Variants in ZNF718 observed in about 807,000 individuals in gnomAD.
ZNF718 encodes zinc finger protein 718.
Under a neutral mutation model 2.6 loss-of-function variants are expected in ZNF718, and 3 were observed. The ratio of observed to expected loss-of-function variants is 1.16; its 90% CI spans 0.53 to 3.01. The LOEUF (loss-of-function observed/expected upper bound fraction) is 3.01, where lower values mean the gene tolerates loss of function less well. Among genes scored for constraint, ZNF718 ranks in the 30% most tolerant of loss-of-function variants. The probability of loss-of-function intolerance (pLI) is 0.03; values close to 1 mark genes in which losing one functional copy is unlikely to be tolerated. For synonymous variants in ZNF718, 135 were observed against 77.9 expected (o/e 1.73, Z -3.86); for missense variants, 468 against 230.0 (o/e 2.03, Z -6.69).
At chr4:135,101 G>C (rs1412285508) in intron 3 of ZNF718, among the ~76,000 whole-genome samples, 1 of 152,024 alleles carries the variant, frequency 6.6e-6, no homozygotes, top group Non-Finnish European at 1.5e-5. Context: ...AATTAGCTGG[G>C]CGTGGTGGCA....
intron 2 of ZNF718, 24 bp from the exon 3 acceptor site, chr4:131,386 T>G: frequency 2.6e-6 from 1 of 380,450 alleles, no homozygotes; most frequent in Non-Finnish European, 4.3e-6. Flanking sequence ...AATAGTCATG[T>G]TAATTTTTTT....
intron 3 of ZNF718, chr4:136,355 T>TGTAG (rs1553809325): frequency 3.8e-6 from 2 of 520,074 alleles, no homozygotes; most frequent in Non-Finnish European, 7.7e-6. Flanking sequence ...GGCCGAGATC[T>TGTAG]GTAGGCCTGC....
intron 3 of ZNF718, among the ~76,000 whole-genome samples, chr4:150,508 G>C (rs574230814): frequency 6.6e-5 from 10 of 152,112 alleles, no homozygotes; most frequent in Non-Finnish European, 1.3e-4. Flanking sequence ...TCTGGTACTT[G>C]TCTTGGTGGA....
chr4:134,433 C>A (rs1304663242), intron 3 of ZNF718, among the ~76,000 whole-genome samples: 1 of 152,140 alleles, frequency 6.6e-6, no homozygotes, highest in Non-Finnish European at 1.5e-5. Flanking sequence ...CGTGAGCCAC[C>A]GTGCCCAGCC....
chr4:171,294 ACG>A (rs528168155), intron 3 of ZNF718, among the ~76,000 whole-genome samples: 1 of 152,096 alleles, frequency 6.6e-6, no homozygotes, highest in Non-Finnish European at 1.5e-5. Context: ...GGAGTCAGGG[ACG>A]CACTTGAGGA....
chr4:143,160 A>T (rs4582104), intron 3 of ZNF718, among the ~76,000 whole-genome samples: 35,506 of 152,088 alleles, frequency 0.23, 4,594 homozygotes, highest in African/African-American at 0.32. Context: ...TTGGACACAC[A>T]CTAATCTAAG....
At chr4:200,334 C>T (rs1307860467) in intron 3 of ZNF718, among the ~76,000 whole-genome samples, 2 of 152,226 alleles carry the variant, frequency 1.3e-5, no homozygotes, top group South Asian at 2.1e-4. Context: ...GTGATCTTGG[C>T]TCACTGCAAC....
At chr4:199,805 T>G (rs1553822509) in intron 3 of ZNF718, among the ~76,000 whole-genome samples, 1 of 152,126 alleles carries the variant, frequency 6.6e-6, no homozygotes, top group East Asian at 1.9e-4. Flanking sequence ...ATGGTGCTTG[T>G]TCCCCTAACG....
chr4:137,995 G>A (rs1715648273), intron 3 of ZNF718, among the ~76,000 whole-genome samples: 1 of 152,028 alleles, frequency 6.6e-6, no homozygotes, highest in South Asian at 2.1e-4. Context: ...ATATGGTTCA[G>A]GATTTTAAAT....
At chr4:126,308 C>A (rs555141805) in intron 1 of ZNF718, among the ~76,000 whole-genome samples, 1 of 152,324 alleles carries the variant, frequency 6.6e-6, no homozygotes, top group South Asian at 2.1e-4. Context: ...TTGCTCTTCT[C>A]CCTTTTCTTA....
At chr4:153,896 T>C (rs1716449594) in intron 3 of ZNF718, among the ~76,000 whole-genome samples, 2 of 152,210 alleles carry the variant, frequency 1.3e-5, no homozygotes, top group African/African-American at 4.8e-5. Context: ...TTTGATATTA[T>C]AATTGTGTAT....
In ZNF718 at chr4:129,093, C is replaced by T. The variant is rs1284055328; in HGVS notation, c.4-1695C>T. Among the ~76,000 whole-genome samples the T allele has an allele frequency of 2.4e-4, 25 of 104,352 alleles. 8 individuals carry two copies. The highest frequency in any genetic ancestry group is 7.0e-4 in the African/African-American group (21 of 30,100). The allele number at this position is 104,352 out of a possible 152,430, so 68.5% of individuals were successfully genotyped here. The stretch of plus-strand genomic sequence containing the variant: ...GTGAGTTTTAATGCCACCATCTGAT[C>T]AGCTGTTCATTGACAGAAGAGAAAT... On this transcript the variant is annotated intron_variant, in intron 1 of 3. Transcript: ENST00000510175.
At chr4:124,815 C>T (rs782223414) in intron 1 of ZNF718, 142 bp downstream of exon 1, 1 of 1,127,252 alleles carries the variant, frequency 8.9e-7, no homozygotes, top group African/African-American at 1.6e-5. Flanking sequence ...GACCCGCGCT[C>T]TTGTCAGTCC....
chr4:188,928 GT>G (rs1195624688), intron 3 of ZNF718, among the ~76,000 whole-genome samples: 3 of 146,498 alleles, frequency 2.0e-5, no homozygotes, highest in African/African-American at 7.5e-5. Context: ...AGTAAATTTT[GT>G]TTTTATTTTC....
chr4:191,316 T>G (rs554974479), intron 3 of ZNF718, among the ~76,000 whole-genome samples: 1 of 151,858 alleles, frequency 6.6e-6, no homozygotes, highest in African/African-American at 2.4e-5. Context: ...ACCTGGCTAA[T>G]TTTTGTATTT....
intron 3 of ZNF718, among the ~76,000 whole-genome samples, chr4:178,097 C>T (rs1717385547): frequency 6.6e-6 from 1 of 151,840 alleles, no homozygotes; most frequent in Non-Finnish European, 1.5e-5. Context: ...TCTTTGCATA[C>T]ACAGATACCT....
chr4:190,127 C>T (rs1278919925), intron 3 of ZNF718, among the ~76,000 whole-genome samples: 1 of 151,982 alleles, frequency 6.6e-6, no homozygotes, highest in African/African-American at 2.4e-5. Flanking sequence ...AATAGATAAA[C>T]AGAAAAATCT....
At chr4:186,587 C>T (rs960405184) in intron 3 of ZNF718, among the ~76,000 whole-genome samples, 1 of 152,036 alleles carries the variant, frequency 6.6e-6, no homozygotes, top group African/African-American at 2.4e-5. Flanking sequence ...TCATACGTCT[C>T]AGAGGTTTTG....
Position 131,241 on chromosome 4 carries a change from C to A in ZNF718, c.131-169C>A, listed in dbSNP as rs1343905374. On this transcript the variant is annotated intron_variant, in intron 2 of 3. Transcript: ENST00000510175. ...TAGTACTCGGTAGTGGAACTTAAAG[C>A]CCACAGATTTAAAATACTTAAATAT... is the stretch of plus-strand genomic sequence containing the variant. 9.6e-5 allele frequency among the ~76,000 whole-genome samples: 10 copies of A among 103,932 alleles called. 3 individuals carry two copies. Among genetic ancestry groups the A allele is most frequent in the African/African-American group, 3.0e-4 (9 of 30,012 alleles). 68.2% of individuals were successfully genotyped at this position (103,932 alleles called of 152,430 possible). A position where few individuals can be genotyped will look rare whatever the true frequency, so the allele number is the denominator to read the frequency against.
Sources: gnomAD v4.1 joint callset for allele counts (sites outside exome capture counted in the v4.1 genomes callset) on GRCh38, gnomAD v4.1.1 for gene constraint, MANE v1.5 for transcripts, NCBI Gene and HGNC (gene_info 2026-07-23, HGNC 2026-07-21) for gene names.